The following HDAC9 variants were observed in gnomAD, a reference collection of about 807,000 sequenced individuals.
The protein encoded by HDAC9 is histone deacetylase 9, also known as MEF-2 interacting transcription repressor (MITR) protein.
In HDAC9, 41 loss-of-function variants were observed where a neutral mutation model predicts 139.4. The observed-to-expected ratio is 0.29, with a 90% CI of 0.23 to 0.38. The LOEUF is 0.38. Among genes scored for constraint, HDAC9 ranks in the 10% least tolerant of loss-of-function variants. HDAC9 has a pLI of 1.00. For synonymous variants in HDAC9, 517 were observed against 476.2 expected (o/e 1.09, Z -1.12); for missense variants, 1,147 against 1,297.0 (o/e 0.88, Z 1.78).
chr7:18,518,587 C>T (rs1803972945), intron 2 of HDAC9, among the ~76,000 whole-genome samples: 1 of 152,052 alleles, frequency 6.6e-6, no homozygotes, highest in African/African-American at 2.4e-5. Flanking sequence ...CCACAGCACA[C>T]AATAAAAAGC....
intron 1 of HDAC9, among the ~76,000 whole-genome samples, chr7:18,116,789 C>T (rs1220521179): frequency 1.3e-5 from 2 of 152,108 alleles, no homozygotes; most frequent in Non-Finnish European, 2.9e-5. Flanking sequence ...TGACTTCTAT[C>T]TTGCTGCATG....
chr7:18,853,968 A>G (rs1797489448), intron 21 of HDAC9, among the ~76,000 whole-genome samples: 1 of 152,194 alleles, frequency 6.6e-6, no homozygotes, highest in Non-Finnish European at 1.5e-5. Context: ...AATATTTAGT[A>G]AAAGTGGAAT....
At chr7:18,377,568 A>G (rs888093442) in intron 1 of HDAC9, among the ~76,000 whole-genome samples, 3 of 152,238 alleles carry the variant, frequency 2.0e-5, no homozygotes, top group African/African-American at 4.8e-5. Context: ...AATAAAGACA[A>G]TAATTTCAAT....
chr7:18,590,305 GCA>G, intron 3 of HDAC9, 29 bp from the exon 4 acceptor site: 1 of 1,608,568 alleles, frequency 6.2e-7, no homozygotes, highest in Non-Finnish European at 8.5e-7. Flanking sequence ...TAAAGAAATT[GCA>G]CACTCTCATG....
At chr7:18,857,436 C>T (rs546095148) in intron 21 of HDAC9, among the ~76,000 whole-genome samples, 1 of 151,490 alleles carries the variant, frequency 6.6e-6, no homozygotes, top group South Asian at 2.1e-4. Context: ...TTTTGAAAGC[C>T]ACTGTTTAAA....
chr7:18,442,355 A>G (rs1791865625), intron 1 of HDAC9, among the ~76,000 whole-genome samples: 1 of 152,182 alleles, frequency 6.6e-6, no homozygotes, highest in Non-Finnish European at 1.5e-5. Flanking sequence ...TAAGATTCAT[A>G]TTAATGCTTG....
chr7:18,238,840 A>T (rs1383880141), intron 2 of HDAC9, among the ~76,000 whole-genome samples: 2 of 152,224 alleles, frequency 1.3e-5, no homozygotes. Flanking sequence ...TAATCTAATA[A>T]TTAATTGTCT....
chr7:18,216,652 C>G (rs1792336366), intron 2 of HDAC9, among the ~76,000 whole-genome samples: 1 of 152,066 alleles, frequency 6.6e-6, no homozygotes. Context: ...AGTAGATTAC[C>G]TAGTATTAAA....
chr7:18,308,237 T>C (rs370753073), intron 1 of HDAC9, among the ~76,000 whole-genome samples: 483 of 152,350 alleles, frequency 3.2e-3, no homozygotes, highest in African/African-American at 0.011. Flanking sequence ...ACTAGGTTAA[T>C]TAAAATGTGA....
intron 1 of HDAC9, among the ~76,000 whole-genome samples, chr7:18,428,342 AG>A (rs1448884844): frequency 6.6e-6 from 1 of 152,232 alleles, no homozygotes; most frequent in Non-Finnish European, 1.5e-5. Flanking sequence ...AAGGCAACCT[AG>A]AAAAATGGAA....
intron 2 of HDAC9, chr7:18,162,444 CTTT>C (rs530299353): frequency 2.5e-5 from 24 of 941,290 alleles, no homozygotes; most frequent in Admixed American, 6.1e-5. Flanking sequence ...TATGAAGGAA[CTTT>C]TTTTTTTTTG....
chr7:18,449,177 A>G (rs1330136977), intron 1 of HDAC9, among the ~76,000 whole-genome samples: 1 of 152,184 alleles, frequency 6.6e-6, no homozygotes, highest in Non-Finnish European at 1.5e-5. Flanking sequence ...TACATGCACA[A>G]GAATGTTTGT....
intron 2 of HDAC9, among the ~76,000 whole-genome samples, chr7:18,255,541 A>G (rs921248356): frequency 2.0e-5 from 3 of 152,164 alleles, no homozygotes; most frequent in Non-Finnish European, 4.4e-5. Flanking sequence ...GGTTGTGGCC[A>G]GACTGTGGAT....
chr7:18,187,727 A>G (rs1019746027), intron 2 of HDAC9, among the ~76,000 whole-genome samples: 1 of 152,192 alleles, frequency 6.6e-6, no homozygotes, highest in Non-Finnish European at 1.5e-5. Flanking sequence ...GAATCTTACT[A>G]AAGCACAAAT....
chr7:18,565,445 T>C (rs933881386), intron 2 of HDAC9, among the ~76,000 whole-genome samples: 3 of 152,224 alleles, frequency 2.0e-5, no homozygotes, highest in Non-Finnish European at 4.4e-5. Context: ...GCTCACAAGA[T>C]TACTTAATCA....
intron 6 of HDAC9, among the ~76,000 whole-genome samples, chr7:18,600,976 G>C (rs1328435495): frequency 6.6e-6 from 1 of 152,012 alleles, no homozygotes; most frequent in Non-Finnish European, 1.5e-5. Flanking sequence ...GCTAATTTTT[G>C]TATTTTTCGT....
At position 18,411,816 on chromosome 7, in the gene HDAC9, G is replaced by GTTTTT. The variant is rs1280818174; in HGVS notation, c.-41-84446_-41-84445insTTTTT. ...GGTGTACTAAATGTAATTTCAACTT[G>GTTTTT]CTTTTTTTTTTTTTTTTTTTTTTTT... On this transcript the variant is annotated intron_variant, in intron 1 of 3. Coordinates refer to the HDAC9 transcript ENST00000413509. Among the ~76,000 whole-genome samples, 606 of 89,368 alleles carry GTTTTT rather than the reference G, an allele frequency of 6.8e-3. 16 individuals are homozygous for GTTTTT. Among genetic ancestry groups the GTTTTT allele is most frequent in the Admixed American group, 0.047 (330 of 7,022 alleles). 58.6% of individuals were successfully genotyped at this position (89,368 alleles called of 152,430 possible). A position where few individuals can be genotyped will look rare whatever the true frequency, so the allele number is the denominator to read the frequency against.
At chr7:18,129,413 A>C (rs1232471990) in intron 1 of HDAC9, among the ~76,000 whole-genome samples, 2 of 152,036 alleles carry the variant, frequency 1.3e-5, no homozygotes, top group African/African-American at 4.8e-5. Context: ...TTTAAGTTTT[A>C]ATTAATAAGC....
In HDAC9 at chr7:18,918,685, C is replaced by T. The variant is rs114601888; in HGVS notation, c.2804-17124C>T. ...TTCATAACACAGTTTGACCGCATAGCTCTACAAATTGTGCCACCTCCATTG... is the reference window on the plus strand; with the variant it reads ...TTCATAACACAGTTTGACCGCATAGTTCTACAAATTGTGCCACCTCCATTG... On this transcript the variant is annotated intron_variant, in intron 22 of 25. Coordinates refer to ENST00000686413, the MANE Select transcript of HDAC9 (RefSeq NM_178425.4). Among the ~76,000 whole-genome samples, 417 of 152,122 alleles carry T rather than the reference C, an allele frequency of 2.7e-3. 4 individuals are homozygous for T. The highest frequency in any genetic ancestry group is 9.1e-3 in the African/African-American group (378 of 41,536).
Sources: gnomAD v4.1 joint callset for allele counts (sites outside exome capture counted in the v4.1 genomes callset) on GRCh38, gnomAD v4.1.1 for gene constraint, MANE v1.5 for transcripts, NCBI Gene and HGNC (gene_info 2026-07-23, HGNC 2026-07-21) for gene names.